The following ARHGEF2 variants were observed in gnomAD, a reference collection of about 807,000 sequenced individuals.
ARHGEF2 encodes the protein Rho/Rac guanine nucleotide exchange factor 2, also known as rho guanine nucleotide exchange factor 2.
ARHGEF2 carries 22 observed loss-of-function variants against 121.0 expected under a neutral mutation model. That is an observed-to-expected ratio of 0.18 (90% CI 0.13 to 0.26). The LOEUF (loss-of-function observed/expected upper bound fraction) is 0.26, where lower values mean the gene tolerates loss of function less well. Ranked by LOEUF, ARHGEF2 falls within the 10% of genes least tolerant of loss-of-function variation. The pLI, the probability that ARHGEF2 is intolerant of heterozygous loss-of-function variation, is 1.00. For missense variants in ARHGEF2, 907 were observed against 1,336.0 expected (o/e 0.68, Z 5.01); for synonymous variants, 487 against 530.0 (o/e 0.92, Z 1.11).
chr1:155,953,031 A>G (rs1287120090), intron 14 of ARHGEF2, among the ~76,000 whole-genome samples: 3 of 152,160 alleles, frequency 2.0e-5, no homozygotes, highest in African/African-American at 4.8e-5. Flanking sequence ...TTGGGAGGCC[A>G]AGGCAGGTGG....
At chr1:155,970,564 C>G in intron 1 of ARHGEF2, 2 of 985,518 alleles carry the variant, frequency 2.0e-6, no homozygotes, top group Non-Finnish European at 2.4e-6. Context: ...GGTAGAAGCC[C>G]CAAGTCAGAG....
intron 14 of ARHGEF2, among the ~76,000 whole-genome samples, chr1:155,954,239 C>T (rs1676136684): frequency 6.7e-6 from 1 of 148,686 alleles, no homozygotes; most frequent in South Asian, 2.1e-4. Flanking sequence ...CCAAATCCTT[C>T]TGGGATTAAA....
Position 155,952,252 on chromosome 1 carries a change from A to G in ARHGEF2, c.1985-17T>C, listed in dbSNP as rs992350917. ...GACCCTCCACTGTGGGGAAAGAGGAAGAGGTGAGAACAGGAATGACACAGG... is the reference window on the plus strand; with the variant it reads ...GACCCTCCACTGTGGGGAAAGAGGAGGAGGTGAGAACAGGAATGACACAGG... On this transcript the variant is annotated splice_polypyrimidine_tract_variant and intron_variant, in intron 15 of 21. Transcript: ENST00000361247. 2 of 1,613,432 alleles carry G rather than the reference A, an allele frequency of 1.2e-6. No individual in the cohort carries two copies. Among genetic ancestry groups the G allele is most frequent in the African/African-American group, 2.7e-5 (2 of 74,910 alleles).
At chr1:155,957,597 C>T (rs1057169021) in intron 13 of ARHGEF2, 116 bp downstream of exon 13, 3 of 1,257,780 alleles carry the variant, frequency 2.4e-6, no homozygotes, top group South Asian at 3.1e-5. Context: ...TCTCCCTCAA[C>T]CTCTTCCCCC....
Position 155,947,968 on chromosome 1 carries a change from C to T in ARHGEF2, c.2935G>A (p.Gly979Arg), listed in dbSNP as rs200032144. The change falls in exon 22 of 22, where the codon GGG becomes AGG. Residue 979 changes from glycine to arginine, a missense_variant. Coordinates refer to ENST00000361247, the MANE Select transcript of ARHGEF2 (RefSeq NM_001162383.2). ...TAGCTCTCGGAGGCTACAGCCTCCC[C>T]GTCGCGGCTCTCCGTCTCCTCCGGG... ...DIPEETESRD[G>R]EAVASES The T allele has an allele frequency of 6.4e-6, 10 of 1,550,972 alleles. No individual in the cohort carries two copies. The highest frequency in any genetic ancestry group is 2.0e-5 in the Admixed American group (1 of 50,968).
At chr1:155,967,961 C>T (rs1679747160) in intron 2 of ARHGEF2, among the ~76,000 whole-genome samples, 1 of 151,918 alleles carries the variant, frequency 6.6e-6, no homozygotes, top group Non-Finnish European at 1.5e-5. Flanking sequence ...CAGCTGCCCC[C>T]ACCCCCCTGG....
chr1:155,948,525 G>A (rs1047469309), intron 21 of ARHGEF2, among the ~76,000 whole-genome samples: 1 of 152,084 alleles, frequency 6.6e-6, no homozygotes, highest in Admixed American at 6.6e-5. Context: ...CAGCTACTCG[G>A]GAGGCTGAGG....
intron 1 of ARHGEF2, chr1:155,969,825 C>G (rs376025127): frequency 1.0e-6 from 1 of 986,578 alleles, no homozygotes; most frequent in Admixed American, 6.1e-5. Context: ...AGGAGATCCC[C>G]TTATTAGATT....
Position 155,965,404 on chromosome 1 carries a change from T to C in ARHGEF2, c.479A>G (p.Asn160Ser), listed in dbSNP as rs138277478. ...GCGCAGCCCCAGGGGAGACTCATCATTGAAATGTCTGAAGAAAGTGGAGGC... is the reference window on the plus strand; with the variant it reads ...GCGCAGCCCCAGGGGAGACTCATCACTGAAATGTCTGAAGAAAGTGGAGGC... ...VSTTNIAGHF[N>S]DESPLGLRRI... The change falls in exon 6 of 22, where the codon AAT (asparagine) becomes AGT (serine). Residue 160 changes from asparagine to serine, a missense_variant. By Grantham distance (46) the Asn-to-Ser change is conservative. Coordinates refer to ENST00000361247, the MANE Select transcript of ARHGEF2 (RefSeq NM_001162383.2). This position sits in a 1 kb window ranked among gnomAD's most constrained non-coding sequence, Gnocchi z 6.0. 1.3e-4 allele frequency: 207 copies of C among 1,613,926 alleles called. No homozygotes were observed. Among genetic ancestry groups the C allele is most frequent in the Non-Finnish European group, 1.7e-4 (203 of 1,179,952 alleles).
intron 1 of ARHGEF2, among the ~76,000 whole-genome samples, chr1:155,971,799 G>A (rs947971114): frequency 1.3e-5 from 2 of 151,678 alleles, no homozygotes; most frequent in African/African-American, 4.8e-5. Flanking sequence ...TGTAATCCCA[G>A]CACTTTGCGG....
In ARHGEF2 at chr1:155,957,737, C is replaced by T; in HGVS notation, c.1691G>A (p.Arg564Gln). ...ASRDDRSTWIRVIQQSVRTCP... is the reference protein window; with the variant it reads ...ASRDDRSTWIQVIQQSVRTCP... Reference sequence around the variant, plus strand: ...CGTGCGCACGCTCTGCTGAATGACCCGGATCCAGGTGCTCCGGTCATCCCG... The same window carrying T: ...CGTGCGCACGCTCTGCTGAATGACCTGGATCCAGGTGCTCCGGTCATCCCG... The change falls in exon 13 of 22, where the codon CGG (arginine) becomes CAG (glutamine). Residue 564 changes from arginine to glutamine, a missense_variant. By Grantham distance (43) the Arg-to-Gln change is conservative. This residue lies in a region of ARHGEF2 where 475 missense variants were observed against 776.5 expected (regional missense o/e 0.61). Coordinates refer to ENST00000361247, the MANE Select transcript of ARHGEF2 (RefSeq NM_001162383.2). 8 of 1,613,680 alleles carry T rather than the reference C, an allele frequency of 5.0e-6. No homozygotes were observed. The highest frequency in any genetic ancestry group is 6.8e-6 in the Non-Finnish European group (8 of 1,179,858).
Position 155,962,192 on chromosome 1 carries a change from G to A in ARHGEF2, c.1132C>T (p.His378Tyr). The stretch of plus-strand genomic sequence containing the variant: ...AGCAGGATGCACTCCTGTACCCCGT[G>A]CCGCTTGAGCACGGCGGGGCGGGTC... Reference protein sequence around the residue: ...KVTRPAVLKRHGVQECILLVT... With the variant: ...KVTRPAVLKRYGVQECILLVT... The change falls in exon 10 of 22, where the codon CAC (histidine) becomes TAC (tyrosine). Residue 378 changes from histidine (H) to tyrosine (Y), a missense_variant. His to Tyr is a moderately conservative substitution (Grantham distance 83). This residue lies in a region of ARHGEF2 where 475 missense variants were observed against 776.5 expected (regional missense o/e 0.61). Coordinates refer to ENST00000361247, the MANE Select transcript of ARHGEF2 (RefSeq NM_001162383.2). The surrounding 1 kb of genome is among the most constrained non-coding windows in gnomAD (Gnocchi z 5.8). 6.2e-7 allele frequency: 1 copy of A among 1,614,174 alleles called. No individual in the cohort carries two copies. The highest frequency in any genetic ancestry group is 8.5e-7 in the Non-Finnish European group (1 of 1,180,034).
At chr1:155,975,017 C>T (rs986913452) in intron 1 of ARHGEF2, among the ~76,000 whole-genome samples, 19 of 150,842 alleles carry the variant, frequency 1.3e-4, no homozygotes, top group African/African-American at 4.6e-4. Context: ...TAAACAAACC[C>T]GGAAGGGTCC....
At chr1:155,969,342 T>C in intron 1 of ARHGEF2, 42 bp from the exon 2 acceptor site, 5 of 1,609,806 alleles carry the variant, frequency 3.1e-6, no homozygotes, top group Non-Finnish European at 4.2e-6. Flanking sequence ...GGCTGGAAAA[T>C]GCCAGGGTGC....
intron 2 of ARHGEF2, among the ~76,000 whole-genome samples, chr1:155,967,382 C>G (rs1679627508): frequency 6.6e-6 from 1 of 152,146 alleles, no homozygotes; most frequent in Non-Finnish European, 1.5e-5. Context: ...GAGGGAGGTT[C>G]AGTTATCCTC....
intron 7 of ARHGEF2, among the ~76,000 whole-genome samples, chr1:155,964,176 A>ATATATG (rs1553244945): frequency 3.1e-5 from 3 of 95,474 alleles, no homozygotes; most frequent in African/African-American, 1.0e-4. Context: ...AAATATATAT[A>ATATATG]TATATATATA....
rs759637676 is a variant in ARHGEF2, at chr1:155,950,948, C to T, written c.2584G>A (p.Ala862Thr). The T allele has an allele frequency of 1.6e-5, 25 of 1,606,312 alleles. No individual in the cohort carries two copies. Among genetic ancestry groups the T allele is most frequent in the South Asian group, 8.8e-5 (8 of 90,534 alleles). The change falls in exon 20 of 22, where the codon GCC becomes ACC. Residue 862 changes from alanine (A) to threonine (T), a missense_variant. Coordinates refer to ENST00000361247, the MANE Select transcript of ARHGEF2 (RefSeq NM_001162383.2). This position sits in a 1 kb window ranked among gnomAD's most constrained non-coding sequence, Gnocchi z 5.2. ...EAEEARRQLA[A>T]LGQTEPLPAE... ...GGGAGTGGCTCGGTCTGGCCCAGGG[C>T]GGCCAGCTGCCTTCGAGCCTCTTCG... is the stretch of plus-strand genomic sequence containing the variant.
In ARHGEF2 at chr1:155,947,954, G is replaced by GGCTACA; in HGVS notation, c.2943_2948dup (p.Val982_Ala983dup). ...GGGAGGGGCCCCCTTAGCTCTCGGA[G>GGCTACA]GCTACAGCCTCCCCGTCGCGGCTCT... is the stretch of plus-strand genomic sequence containing the variant. On this transcript the variant is annotated inframe_insertion, in exon 22 of 22. Transcript: ENST00000361247. 1 of 1,550,808 alleles carries GGCTACA rather than the reference G, an allele frequency of 6.4e-7. No individual in the cohort carries two copies. The highest frequency in any genetic ancestry group is 8.7e-7 in the Non-Finnish European group (1 of 1,146,678).
chr1:155,972,373 T>C (rs1198992517), intron 1 of ARHGEF2: 1 of 452,550 alleles, frequency 2.2e-6, no homozygotes, highest in African/African-American at 2.0e-5. Flanking sequence ...CCTAGTGCTA[T>C]TGTCCCGGAG....
Sources: gnomAD v4.1 joint callset for allele counts (sites outside exome capture counted in the v4.1 genomes callset) on GRCh38, gnomAD v4.1.1 for gene constraint, gnomAD v4.1.1 regional missense constraint, Gnocchi (gnomAD v3.1) non-coding constraint, MANE v1.5 for transcripts, NCBI Gene and HGNC (gene_info 2026-07-23, HGNC 2026-07-21) for gene names.